CMC2: variants seen among roughly 807,000 people sequenced by gnomAD.
The protein encoded by CMC2 is COX assembly mitochondrial protein 2 homolog.
Under a neutral mutation model 7.5 loss-of-function variants are expected in CMC2, and 5 were observed. The ratio of observed to expected loss-of-function variants is 0.66; its 90% CI spans 0.35 to 1.40. The LOEUF is 1.40. Among genes scored for constraint, CMC2 ranks in the 40% most tolerant of loss-of-function variants. The pLI, the probability that CMC2 is intolerant of heterozygous loss-of-function variation, is 0.04. For synonymous variants in CMC2, 37 were observed against 31.4 expected (o/e 1.18, Z -0.60); for missense variants, 115 against 92.3 (o/e 1.25, Z -1.01).
chr16:80,986,075 C>T (rs760758592), intron 2 of CMC2, among the ~76,000 whole-genome samples: 3 of 152,124 alleles, frequency 2.0e-5, no homozygotes, highest in African/African-American at 4.8e-5. Flanking sequence ...GAGCCAGGTG[C>T]GGTGGCTCAT....
At chr16:80,982,657 A>G (rs1967214713) in intron 2 of CMC2, 2 of 152,178 alleles carry the variant, frequency 1.3e-5, no homozygotes, top group Admixed American at 1.3e-4. Context: ...CAAATTTGAG[A>G]GAATTGTAAG....
At position 80,973,194 on chromosome 16, in the gene CMC2, C is replaced by G. The variant is rs2151606734; in HGVS notation, c.*2899G>C. ...TGGAAAGGCAGGATGTACAGGGAGCCAGAGAATGGGGCCGGCTTGGGATGA... is the reference window on the plus strand; with the variant it reads ...TGGAAAGGCAGGATGTACAGGGAGCGAGAGAATGGGGCCGGCTTGGGATGA... On this transcript the variant is annotated 3_prime_UTR_variant, in exon 4 of 4. Coordinates refer to ENST00000219400, the MANE Select transcript of CMC2 (RefSeq NM_020188.5). 6.6e-6 allele frequency: 1 copy of G among 152,366 alleles called. No individual in the cohort carries two copies. Among genetic ancestry groups the G allele is most frequent in the East Asian group, 1.9e-4 (1 of 5,188 alleles). The allele number at this position is 152,366 out of a possible 1,614,324, so 9.4% of individuals were successfully genotyped here. A position where few individuals can be genotyped will look rare whatever the true frequency, so the allele number is the denominator to read the frequency against.
At chr16:80,990,057 T>A (rs1306311206) in intron 2 of CMC2, among the ~76,000 whole-genome samples, 2 of 151,998 alleles carry the variant, frequency 1.3e-5, no homozygotes, top group Non-Finnish European at 2.9e-5. Context: ...TTGTATTCCA[T>A]TTTTGAGTTT....
chr16:80,993,120 G>C (rs1366104613), intron 2 of CMC2, among the ~76,000 whole-genome samples: 1 of 152,150 alleles, frequency 6.6e-6, no homozygotes, highest in East Asian at 1.9e-4. Context: ...TTTCCAAACA[G>C]CTATGTAATT....
chr16:80,991,779 A>G lies in CMC2; in HGVS notation c.81+5535T>C, dbSNP rs991841914. On this transcript the variant is annotated intron_variant, in intron 2 of 3. Transcript: ENST00000219400. The stretch of plus-strand genomic sequence containing the variant: ...CTCTGTGGTCTTCATCCGAAAACAC[A>G]TGATCCCAATCCAATTATGAGGAAA... 1.4e-5 allele frequency: 5 copies of G among 350,060 alleles called. No homozygotes were observed. In the Middle Eastern group the frequency reaches 1.2e-3, roughly 85 times the overall value. The allele number at this position is 350,060 out of a possible 1,614,324, so 21.7% of individuals were successfully genotyped here.
Position 80,988,654 on chromosome 16 carries a change from T to C in CMC2, c.82-6777A>G, listed in dbSNP as rs957824391. On this transcript the variant is annotated intron_variant, in intron 2 of 3. Transcript: ENST00000219400. ...CATACGATTACCAAAATTAGGAAATTAACATTAACACTAGTATCTAATTTA... is the reference window on the plus strand; with the variant it reads ...CATACGATTACCAAAATTAGGAAATCAACATTAACACTAGTATCTAATTTA... 6 of 696,078 alleles carry C rather than the reference T, an allele frequency of 8.6e-6. No homozygotes were observed. In the African/African-American group the frequency reaches 1.1e-4, roughly 12 times the overall value. The allele number at this position is 696,078 out of a possible 1,614,324, so 43.1% of individuals were successfully genotyped here.
rs1912091541 is a variant in CMC2, at chr16:80,973,754, G to C, written c.*2339C>G. On this transcript the variant is annotated 3_prime_UTR_variant, in exon 4 of 4. Transcript: ENST00000219400. ...TTATTTGTCAAACTCCCTTCCTAGA[G>C]GAAGCTGGAAAGGTAGATCATTGCC... The C allele has an allele frequency of 6.6e-6, 1 of 152,140 alleles. No individual in the cohort carries two copies. The highest frequency in any genetic ancestry group is 1.5e-5 in the Non-Finnish European group (1 of 68,080). The allele number at this position is 152,140 out of a possible 1,614,324, so 9.4% of individuals were successfully genotyped here.
chr16:80,979,293 A>G (rs973274156), intron 3 of CMC2, among the ~76,000 whole-genome samples: 1 of 152,192 alleles, frequency 6.6e-6, no homozygotes, highest in Non-Finnish European at 1.5e-5. Context: ...TAACATAACT[A>G]CACAGAGGAC....
At chr16:80,999,543 T>G (rs944186769) in intron 1 of CMC2, among the ~76,000 whole-genome samples, 1 of 151,176 alleles carries the variant, frequency 6.6e-6, no homozygotes, top group Non-Finnish European at 1.5e-5. Context: ...ATGGCATTTT[T>G]TCACACAATT....
intron 3 of CMC2, chr16:80,978,332 C>T (rs1465712484): frequency 7.9e-7 from 1 of 1,260,800 alleles, no homozygotes; most frequent in Non-Finnish European, 1.0e-6. Context: ...TGTAGCAGGC[C>T]AATAAAATAA....
intron 2 of CMC2, among the ~76,000 whole-genome samples, chr16:80,988,175 CA>C (rs1161148536): frequency 1.3e-5 from 2 of 152,144 alleles, no homozygotes; most frequent in Non-Finnish European, 2.9e-5. Flanking sequence ...CAGAGTGAGA[CA>C]TCCTCCCGAT....
chr16:80,993,670 T>C (rs1176869219), intron 2 of CMC2, among the ~76,000 whole-genome samples: 1 of 141,546 alleles, frequency 7.1e-6, no homozygotes, highest in East Asian at 2.1e-4. Flanking sequence ...TAAAGAATCC[T>C]AATTTAGTAA....
intron 3 of CMC2, among the ~76,000 whole-genome samples, chr16:80,978,923 T>C (rs1156620780): frequency 6.6e-6 from 1 of 151,750 alleles, no homozygotes; most frequent in Non-Finnish European, 1.5e-5. Context: ...CTACTAAAAA[T>C]ACAAAAAATT....
intron 1 of CMC2, among the ~76,000 whole-genome samples, chr16:81,004,273 G>A (rs916226625): frequency 6.6e-6 from 1 of 152,164 alleles, no homozygotes; most frequent in Non-Finnish European, 1.5e-5. Context: ...GAAAGTGAAA[G>A]GAACATAAGA....
intron 1 of CMC2, among the ~76,000 whole-genome samples, chr16:81,001,839 TAA>T (rs1407738868): frequency 7.0e-6 from 1 of 142,130 alleles, no homozygotes; most frequent in Non-Finnish European, 1.5e-5. Flanking sequence ...CAGTAACTAC[TAA>T]ACACACACAC....
chr16:80,989,638 A>C (rs1465193962), intron 2 of CMC2, among the ~76,000 whole-genome samples: 1 of 152,196 alleles, frequency 6.6e-6, no homozygotes, highest in African/African-American at 2.4e-5. Flanking sequence ...GGCGTTACGT[A>C]TGCTCATTGC....
At chr16:80,980,701 C>A in intron 3 of CMC2, 1 of 591,754 alleles carries the variant, frequency 1.7e-6, no homozygotes, top group Non-Finnish European at 3.0e-6. Flanking sequence ...ACCAGCCTGG[C>A]CAAAACAGTG....
chr16:80,978,433 A>T, intron 3 of CMC2: 1 of 1,228,746 alleles, frequency 8.1e-7, no homozygotes, highest in Admixed American at 2.3e-5. Context: ...AAAGGGGAGA[A>T]AAGGATGAAT....
chr16:80,999,199 G>C (rs888629281), intron 1 of CMC2, among the ~76,000 whole-genome samples: 5 of 152,208 alleles, frequency 3.3e-5, no homozygotes, highest in African/African-American at 1.2e-4. Flanking sequence ...TAAAGACTCT[G>C]CCAAATGACT....
Sources: allele counts gnomAD v4.1 joint callset (sites outside exome capture counted in the v4.1 genomes callset), GRCh38; gene constraint gnomAD v4.1.1; transcripts MANE v1.5; gene names NCBI Gene and HGNC (gene_info 2026-07-23, HGNC 2026-07-21).